Variants in HASPIN observed in about 807,000 individuals in gnomAD.
The protein encoded by HASPIN is histone H3 associated protein kinase.
Under a neutral mutation model 28.8 loss-of-function variants are expected in HASPIN, and 24 were observed. That is an observed-to-expected ratio of 0.83 (90% CI 0.60 to 1.17). The LOEUF (loss-of-function observed/expected upper bound fraction) is 1.17. Ranked by LOEUF, HASPIN falls within the 50% of genes most tolerant of loss-of-function variation. The probability of loss-of-function intolerance (pLI) is 0.00; values close to 1 mark genes in which losing one functional copy is unlikely to be tolerated. For synonymous variants in HASPIN, 440 were observed against 413.1 expected (o/e 1.07, Z -0.79); for missense variants, 1,016 against 1,018.5 (o/e 1.00, Z 0.03).
Position 3,724,617 on chromosome 17 carries a change from G to C in HASPIN, c.682G>C (p.Ala228Pro), listed in dbSNP as rs1474886519. Residue 228 changes from alanine (A) to proline (P), a missense_variant, in exon 1 of 1, where the codon GCC becomes CCC. Around this residue, in one of 3 missense-constraint regions of HASPIN, gnomAD observed 881 missense variants for 845.5 expected, o/e 1.04. Coordinates refer to ENST00000325418, the MANE Select transcript of HASPIN (RefSeq NM_031965.2). Reference sequence around the variant, plus strand: ...CTCCCAGGAGGAAGCGACAGGAGGAGCCAAGGACACCAGGATGGTCCACCA... The same window carrying C: ...CTCCCAGGAGGAAGCGACAGGAGGACCCAAGGACACCAGGATGGTCCACCA... ...PCSQEEATGG[A>P]KDTRMVHQTR... 6.2e-7 allele frequency: 1 copy of C among 1,614,184 alleles called. No individual in the cohort carries two copies. The highest frequency in any genetic ancestry group is 1.1e-5 in the South Asian group (1 of 91,088).
chr17:3,726,151 A>G lies in HASPIN; in HGVS notation c.2216A>G (p.Tyr739Cys), dbSNP rs775916459. ...NNNRWGEYHP[Y>C]SNVLWLHYLT... Reference sequence around the variant, plus strand: ...AACCGCTGGGGTGAATATCACCCTTATAGTAATGTGCTCTGGTTACATTAC... The same window carrying G: ...AACCGCTGGGGTGAATATCACCCTTGTAGTAATGTGCTCTGGTTACATTAC... Residue 739 changes from tyrosine (Y) to cysteine (C), a missense_variant, in exon 1 of 1, where the codon TAT becomes TGT. By Grantham distance (194) the Tyr-to-Cys change is radical. Coordinates refer to ENST00000325418, the MANE Select transcript of HASPIN (RefSeq NM_031965.2). 3 of 1,614,196 alleles carry G rather than the reference A, an allele frequency of 1.9e-6. No homozygotes were observed. The Admixed American group carries it at 5.0e-5, about 27-fold the overall frequency.
chr17:3,725,814 A>G lies in HASPIN; in HGVS notation c.1879A>G (p.Ser627Gly). 1 of 1,611,978 alleles carries G rather than the reference A, an allele frequency of 6.2e-7. No individual in the cohort carries two copies. The highest frequency in any genetic ancestry group is 8.5e-7 in the Non-Finnish European group (1 of 1,179,308). ...GTTGTCTTCCTTGGCTACTGCAAAG[A>G]GCATTCTACACCAGCTCACAGCCTC... ...TKLSSLATAK[S>G]ILHQLTASLA... is the part of the protein sequence containing the mutation. Residue 627 changes from serine (S) to glycine (G), a missense_variant, in exon 1 of 1, where the codon AGC becomes GGC. Ser to Gly is a moderately conservative substitution (Grantham distance 56). Around this residue, in one of 3 missense-constraint regions of HASPIN, gnomAD observed 881 missense variants for 845.5 expected, o/e 1.04. Transcript: ENST00000325418.
Position 3,725,008 on chromosome 17 carries a change from A to G in HASPIN, c.1073A>G (p.Lys358Arg), listed in dbSNP as rs774192597. The stretch of plus-strand genomic sequence containing the variant: ...CTCCTCCATTCCCACCGCTTTAAAA[A>G]GGGCCAAAAGCTGGGAAAAGATTCG... ...TSLLHSHRFK[K>R]GQKLGKDSFP... Residue 358 changes from lysine (K) to arginine (R), a missense_variant, in exon 1 of 1, where the codon AAG becomes AGG. By Grantham distance (26) the Lys-to-Arg change is conservative. This residue lies in a region of HASPIN where 881 missense variants were observed against 845.5 expected (regional missense o/e 1.04). Coordinates refer to ENST00000325418, the MANE Select transcript of HASPIN (RefSeq NM_031965.2). 1 of 1,614,222 alleles carries G rather than the reference A, an allele frequency of 6.2e-7. No homozygotes were observed. The highest frequency in any genetic ancestry group is 1.7e-5 in the Admixed American group (1 of 60,018).
Position 3,724,310 on chromosome 17 carries a change from G to A in HASPIN, c.375G>A (p.Lys125=). The change falls in exon 1 of 1, where the codon AAG becomes AAA. Residue 125 remains lysine (K), a synonymous_variant. Coordinates refer to ENST00000325418, the MANE Select transcript of HASPIN (RefSeq NM_031965.2). ...GGCTGCGAGCTCGGCCCCCGCAGAA[G>A]TGCAGCACACCCTGCGGCCCGCTCC... ...RLGLRARPPQ[K]CSTPCGPLRL... 2 of 1,588,588 alleles carry A rather than the reference G, an allele frequency of 1.3e-6. No individual in the cohort carries two copies. Among genetic ancestry groups the A allele is most frequent in the Non-Finnish European group, 8.5e-7 (1 of 1,173,988 alleles).
rs2051216235 is a variant in HASPIN at position 3,726,485 on chromosome 17, C to T, written c.*153C>T. 1.6e-6 allele frequency: 1 copy of T among 619,650 alleles called. No homozygotes were observed. Among genetic ancestry groups the T allele is most frequent in the East Asian group, 2.6e-5 (1 of 37,794 alleles). 38.4% of individuals were successfully genotyped at this position (619,650 alleles called of 1,614,324 possible). A position where few individuals can be genotyped will look rare whatever the true frequency, so the allele number is the denominator to read the frequency against. ...CAAGAATTTTGTTTCCAAATGGAAACTGAAATATTTGTTGAAATGTTTAAA... is the reference window on the plus strand; with the variant it reads ...CAAGAATTTTGTTTCCAAATGGAAATTGAAATATTTGTTGAAATGTTTAAA... On this transcript the variant is annotated 3_prime_UTR_variant, in exon 1 of 1. Transcript: ENST00000325418.
Position 3,726,334 on chromosome 17 carries a change from C to T in HASPIN, c.*2C>T, listed in dbSNP as rs547959913. 1.1e-5 allele frequency: 18 copies of T among 1,581,460 alleles called. No homozygotes were observed. The African/African-American group carries it at 2.4e-4, about 21-fold the overall frequency. On this transcript the variant is annotated 3_prime_UTR_variant, in exon 1 of 1. Transcript: ENST00000325418. ...TGCCAGCACAGTCTGTTTAAGTAAG[C>T]TAAATGTATCTTACTGCCCCGAAAT...
chr17:3,724,899 C>T lies in HASPIN; in HGVS notation c.964C>T (p.Arg322Cys), dbSNP rs772738565. The T allele has an allele frequency of 3.1e-6, 5 of 1,613,522 alleles. No individual in the cohort carries two copies. The highest frequency in any genetic ancestry group is 4.2e-6 in the Non-Finnish European group (5 of 1,179,800). ...TCAGGAGGCCAGTGTTCCCAAGGGC[C>T]GCATTGTGCCAAGGGGAATAGACAG... ...EHQEASVPKG[R>C]IVPRGIDRLE... The change falls in exon 1 of 1, where the codon CGC (arginine) becomes TGC (cysteine). Residue 322 changes from arginine (R) to cysteine (C), a missense_variant. Physicochemically the swap from Arg to Cys is radical, Grantham distance 180 (BLOSUM62 -3). This residue lies in a region of HASPIN where 881 missense variants were observed against 845.5 expected (regional missense o/e 1.04). Coordinates refer to ENST00000325418, the MANE Select transcript of HASPIN (RefSeq NM_031965.2).
Position 3,725,599 on chromosome 17 carries a change from G to T in HASPIN, c.1664G>T (p.Gly555Val). The T allele has an allele frequency of 1.2e-6, 2 of 1,614,042 alleles. No individual in the cohort carries two copies. The highest frequency in any genetic ancestry group is 2.2e-5 in the South Asian group (2 of 91,072). Residue 555 changes from glycine to valine, a missense_variant, in exon 1 of 1, where the codon GGC (glycine) becomes GTC (valine). By Grantham distance (109) the Gly-to-Val change is moderately radical (BLOSUM62 -3). Coordinates refer to ENST00000325418, the MANE Select transcript of HASPIN (RefSeq NM_031965.2). ...GGTGAAGTGTGCAACCGCACAGAAG[G>T]CTTTATCGGGCTGAACTCAGTGCAC... ...LSGEVCNRTE[G>V]FIGLNSVHCV...
Position 3,724,230 on chromosome 17 carries a change from A to G in HASPIN, c.295A>G (p.Lys99Glu), listed in dbSNP as rs751713248. 6.3e-7 allele frequency: 1 copy of G among 1,593,496 alleles called. No individual in the cohort carries two copies. The highest frequency in any genetic ancestry group is 1.1e-5 in the South Asian group (1 of 90,318). ...CCGGCCCAGCCTGACCGTGACCCCA[A>G]AGCGCTGGAAGCTGCGAGCTCGCCC... is the stretch of plus-strand genomic sequence containing the variant. ...KDRPSLTVTP[K>E]RWKLRARPSL... is the part of the protein sequence containing the mutation. The change falls in exon 1 of 1, where the codon AAG (lysine) becomes GAG (glutamate). Residue 99 changes from lysine (K) to glutamate (E), a missense_variant. By Grantham distance (56) the Lys-to-Glu change is moderately conservative (BLOSUM62 1). This residue lies in a region of HASPIN where 881 missense variants were observed against 845.5 expected (regional missense o/e 1.04). Transcript: ENST00000325418.
Position 3,724,927 on chromosome 17 carries a change from T to C in HASPIN, c.992T>C (p.Leu331Pro). 1 of 1,613,676 alleles carries C rather than the reference T, an allele frequency of 6.2e-7. No individual in the cohort carries two copies. Among genetic ancestry groups the C allele is most frequent in the Non-Finnish European group, 8.5e-7 (1 of 1,179,850 alleles). The stretch of plus-strand genomic sequence containing the variant: ...ATTGTGCCAAGGGGAATAGACAGGC[T>C]GGAGAGAACTAGATCAAGCCGGAAG... ...GRIVPRGIDR[L>P]ERTRSSRKSK... The change falls in exon 1 of 1, where the codon CTG becomes CCG. Residue 331 changes from leucine to proline, a missense_variant. By Grantham distance (98) the Leu-to-Pro change is moderately conservative. Around this residue, in one of 3 missense-constraint regions of HASPIN, gnomAD observed 881 missense variants for 845.5 expected, o/e 1.04. Transcript: ENST00000325418.
chr17:3,725,341 A>G lies in HASPIN; in HGVS notation c.1406A>G (p.Gln469Arg). The stretch of plus-strand genomic sequence containing the variant: ...GAAAAGGTTTATGGGGAATGCAGTC[A>G]GAAGGGTCCTGTCCCCTTTAGCCAT... ...DAEKVYGECS[Q>R]KGPVPFSHCL... Residue 469 changes from glutamine to arginine, a missense_variant, in exon 1 of 1, where the codon CAG becomes CGG. Gln to Arg is a conservative substitution (Grantham distance 43, BLOSUM62 1). Around this residue, in one of 3 missense-constraint regions of HASPIN, gnomAD observed 881 missense variants for 845.5 expected, o/e 1.04. Coordinates refer to ENST00000325418, the MANE Select transcript of HASPIN (RefSeq NM_031965.2). The G allele has an allele frequency of 6.2e-7, 1 of 1,614,258 alleles. No individual in the cohort carries two copies. The highest frequency in any genetic ancestry group is 8.5e-7 in the Non-Finnish European group (1 of 1,180,040).
Position 3,725,234 on chromosome 17 carries a change from GTCC to G in HASPIN, c.1302_1304del (p.Ser435del). On this transcript the variant is annotated inframe_deletion, in exon 1 of 1. Transcript: ENST00000325418. ...TCATGAACAGAACAAGTGGTGCTCC[GTCC>G]TCTTGGCACTCCTCCTCTATGTATT... The G allele has an allele frequency of 6.2e-7, 1 of 1,614,126 alleles. No individual in the cohort carries two copies. The highest frequency in any genetic ancestry group is 8.5e-7 in the Non-Finnish European group (1 of 1,180,008).
rs368584603 is a variant in HASPIN at position 3,725,203 on chromosome 17, G to C, written c.1268G>C (p.Arg423Pro). The C allele has an allele frequency of 6.2e-7, 1 of 1,613,994 alleles. No individual in the cohort carries two copies. Among genetic ancestry groups the C allele is most frequent in the Non-Finnish European group, 8.5e-7 (1 of 1,180,038 alleles). The change falls in exon 1 of 1, where the codon CGG becomes CCG. Residue 423 changes from arginine (R) to proline (P), a missense_variant. Transcript: ENST00000325418. ...TCCCTCCTATCAGAATGTTCAAACC[G>C]GCCTGTCATGAACAGAACAAGTGGT... Reference protein sequence around the residue: ...SGSLLSECSNRPVMNRTSGAP... With the variant: ...SGSLLSECSNPPVMNRTSGAP...
Position 3,725,567 on chromosome 17 carries a change from C to A in HASPIN, c.1632C>A (p.Leu544=). The A allele has an allele frequency of 3.1e-6, 5 of 1,614,242 alleles. No individual in the cohort carries two copies. The highest frequency in any genetic ancestry group is 4.2e-6 in the Non-Finnish European group (5 of 1,180,050). The change falls in exon 1 of 1, where the codon CTC becomes CTA. Residue 544 remains leucine (L), a synonymous_variant. Coordinates refer to ENST00000325418, the MANE Select transcript of HASPIN (RefSeq NM_031965.2). ...TCATCATCTCCAAAGAGTTGAGCCTCTTATCCGGTGAAGTGTGCAACCGCA... is the reference window on the plus strand; with the variant it reads ...TCATCATCTCCAAAGAGTTGAGCCTATTATCCGGTGAAGTGTGCAACCGCA... ...PEIIISKELS[L]LSGEVCNRTE...
chr17:3,725,456 C>T lies in HASPIN; in HGVS notation c.1521C>T (p.Pro507=), dbSNP rs775904659. 9.3e-6 allele frequency: 15 copies of T among 1,614,000 alleles called. No homozygotes were observed. Among genetic ancestry groups the T allele is most frequent in the Non-Finnish European group, 1.2e-5 (14 of 1,180,042 alleles). The stretch of plus-strand genomic sequence containing the variant: ...TTCAAACAATTGCTGATCACACACC[C>T]GTAGCCATAAAAATCATTGCTATTG... ...EVFQTIADHT[P]VAIKIIAIEG... The change falls in exon 1 of 1, where the codon CCC becomes CCT. Residue 507 remains proline (P), a synonymous_variant. Transcript: ENST00000325418.
Position 3,724,864 on chromosome 17 carries a change from G to T in HASPIN, c.929G>T (p.Arg310Leu). Residue 310 changes from arginine to leucine, a missense_variant, in exon 1 of 1, where the codon CGG becomes CTG. By Grantham distance (102) the Arg-to-Leu change is moderately radical. Around this residue, in one of 3 missense-constraint regions of HASPIN, gnomAD observed 881 missense variants for 845.5 expected, o/e 1.04. Coordinates refer to ENST00000325418, the MANE Select transcript of HASPIN (RefSeq NM_031965.2). ...CQERGLQEAV[R>L]REHQEASVPK... ...GAGAGAGGGCTTCAAGAGGCCGTCC[G>T]GAGAGAGCATCAGGAGGCCAGTGTT... 1 of 1,613,948 alleles carries T rather than the reference G, an allele frequency of 6.2e-7. No homozygotes were observed. Among genetic ancestry groups the T allele is most frequent in the Non-Finnish European group, 8.5e-7 (1 of 1,180,032 alleles).
rs370474111 is a variant in HASPIN at position 3,725,022 on chromosome 17, G to A, written c.1087G>A (p.Gly363Arg). 5.0e-5 allele frequency: 81 copies of A among 1,614,064 alleles called. No individual in the cohort carries two copies. The Middle Eastern group carries it at 1.5e-3, about 29-fold the overall frequency. Reference protein sequence around the residue: ...SHRFKKGQKLGKDSFPTQDLT... With the variant: ...SHRFKKGQKLRKDSFPTQDLT... ...CCGCTTTAAAAAGGGCCAAAAGCTG[G>A]GAAAAGATTCGTTCCCCACCCAGGA... The change falls in exon 1 of 1, where the codon GGA (glycine) becomes AGA (arginine). Residue 363 changes from glycine (G) to arginine (R), a missense_variant. Physicochemically the swap from Gly to Arg is moderately radical, Grantham distance 125. Around this residue, in one of 3 missense-constraint regions of HASPIN, gnomAD observed 881 missense variants for 845.5 expected, o/e 1.04. Transcript: ENST00000325418.
In HASPIN at chr17:3,725,055, C is replaced by G. The variant is rs1259240019; in HGVS notation, c.1120C>G (p.Pro374Ala). The G allele has an allele frequency of 2.5e-6, 4 of 1,614,242 alleles. No homozygotes were observed. The highest frequency in any genetic ancestry group is 2.2e-5 in the South Asian group (2 of 91,086). ...TTCGTTCCCCACCCAGGACCTGACT[C>G]CTTTACAGAATGTCTGCTTTTGGAC... ...KDSFPTQDLT[P>A]LQNVCFWTKT... Residue 374 changes from proline to alanine, a missense_variant, in exon 1 of 1, where the codon CCT becomes GCT. Pro to Ala is a conservative substitution (Grantham distance 27). This residue lies in a region of HASPIN where 881 missense variants were observed against 845.5 expected (regional missense o/e 1.04). Coordinates refer to ENST00000325418, the MANE Select transcript of HASPIN (RefSeq NM_031965.2).
chr17:3,723,912 TG>T lies in HASPIN; in HGVS notation c.-23del. 1 of 1,540,580 alleles carries T rather than the reference TG, an allele frequency of 6.5e-7. No homozygotes were observed. Among genetic ancestry groups the T allele is most frequent in the Non-Finnish European group, 8.7e-7 (1 of 1,145,812 alleles). On this transcript the variant is annotated 5_prime_UTR_variant, in exon 1 of 1. Transcript: ENST00000325418. The stretch of plus-strand genomic sequence containing the variant: ...ACGGAAGTCTCGCGATGTTTGCGTT[TG>T]AACCTCTTGGCGGGTGCCGGCCATG...
Sources: allele counts gnomAD v4.1 joint callset, GRCh38; gene constraint gnomAD v4.1.1; regional missense constraint gnomAD v4.1.1; transcripts MANE v1.5; gene names NCBI Gene and HGNC (gene_info 2026-07-23, HGNC 2026-07-21).